SENP7: variants seen among roughly 807,000 people sequenced by gnomAD.
SENP7 encodes SUMO specific peptidase 7.
A neutral mutation model predicts 141.2 loss-of-function variants in SENP7; 64 were observed. The observed-to-expected ratio is 0.45, with a 90% CI of 0.37 to 0.56. SENP7 has a LOEUF of 0.56. Among genes scored for constraint, SENP7 ranks in the 20% least tolerant of loss-of-function variants. The probability of loss-of-function intolerance (pLI) is 0.00; values close to 1 mark genes in which losing one functional copy is unlikely to be tolerated. For synonymous variants in SENP7, 382 were observed against 426.4 expected (o/e 0.90, Z 1.28); for missense variants, 1,025 against 1,212.2 (o/e 0.85, Z 2.29).
intron 1 of SENP7, among the ~76,000 whole-genome samples, chr3:101,507,830 CATG>C (rs1205497362): frequency 6.6e-6 from 1 of 151,908 alleles, no homozygotes; most frequent in Non-Finnish European, 1.5e-5. Context: ...GCAGGTGGAC[CATG>C]ATATCAAGAG....
upstream of SENP7, chr3:101,513,212 GGAAAAAAAA>G (rs2065942003): frequency 8.3e-4 from 113 of 135,974 alleles, 3 homozygotes; most frequent in Middle Eastern, 2.5e-3. Context: ...GGAGGGGAAA[GGAAAAAAAA>G]AAAAAAAAAA....
intron 4 of SENP7, among the ~76,000 whole-genome samples, chr3:101,448,902 A>G (rs538699231): frequency 1.3e-5 from 2 of 152,324 alleles, no homozygotes; most frequent in South Asian, 2.1e-4. Flanking sequence ...TTGAGAGAAG[A>G]AGGCTTCAGA....
chr3:101,507,655 T>TG (rs1169983224), intron 1 of SENP7, among the ~76,000 whole-genome samples: 2 of 120,934 alleles, frequency 1.7e-5, no homozygotes, highest in African/African-American at 2.9e-5. Context: ...TTGTTTCCTT[T>TG]GGGGGGAAGA....
intron 3 of SENP7, among the ~76,000 whole-genome samples, chr3:101,476,845 T>C (rs536760499): frequency 6.6e-6 from 1 of 152,254 alleles, no homozygotes; most frequent in Non-Finnish European, 1.5e-5. Context: ...ATTTCTCTAA[T>C]GACCAGTGAT....
chr3:101,410,141 T>C (rs1239890260), intron 5 of SENP7, among the ~76,000 whole-genome samples: 1 of 152,072 alleles, frequency 6.6e-6, no homozygotes, highest in Non-Finnish European at 1.5e-5. Flanking sequence ...GAATAGACAA[T>C]TCTCAAAGAA....
chr3:101,387,837 C>T (rs2060703234), intron 6 of SENP7, among the ~76,000 whole-genome samples: 1 of 152,230 alleles, frequency 6.6e-6, no homozygotes, highest in Non-Finnish European at 1.5e-5. Flanking sequence ...CCATCACTGC[C>T]AATGAGCACA....
At chr3:101,376,556 T>G (rs931097703) in intron 6 of SENP7, among the ~76,000 whole-genome samples, 1 of 152,016 alleles carries the variant, frequency 6.6e-6, no homozygotes, top group African/African-American at 2.4e-5. Context: ...ACACCGCATG[T>G]TCTCACTCAT....
intron 11 of SENP7, among the ~76,000 whole-genome samples, chr3:101,353,575 A>G (rs541700690): frequency 7.2e-4 from 109 of 152,160 alleles, no homozygotes; most frequent in African/African-American, 2.3e-3. Flanking sequence ...CTGAAATCAT[A>G]CCAACTTTGT....
chr3:101,487,877 T>C (rs2064796544), intron 3 of SENP7, among the ~76,000 whole-genome samples: 1 of 152,200 alleles, frequency 6.6e-6, no homozygotes, highest in Non-Finnish European at 1.5e-5. Flanking sequence ...ATAATATAAT[T>C]TGAAGTCAGG....
intron 11 of SENP7, among the ~76,000 whole-genome samples, chr3:101,361,384 A>G (rs1311976109): frequency 6.6e-6 from 1 of 152,188 alleles, no homozygotes; most frequent in Non-Finnish European, 1.5e-5. Context: ...TTAAACTGGT[A>G]AAACAAGATT....
intron 5 of SENP7, among the ~76,000 whole-genome samples, chr3:101,410,342 G>A (rs1315458003): frequency 6.6e-6 from 1 of 152,066 alleles, no homozygotes; most frequent in Non-Finnish European, 1.5e-5. Flanking sequence ...ATGTAAACTA[G>A]GACAACCACT....
At chr3:101,504,042 T>C (rs1305228271) in intron 1 of SENP7, among the ~76,000 whole-genome samples, 4 of 152,100 alleles carry the variant, frequency 2.6e-5, no homozygotes, top group Admixed American at 1.3e-4. Flanking sequence ...TAATGAAATA[T>C]AGACTACCCA....
At chr3:101,399,997 AT>A (rs1359211842) in intron 5 of SENP7, among the ~76,000 whole-genome samples, 4 of 152,228 alleles carry the variant, frequency 2.6e-5, no homozygotes, top group Non-Finnish European at 4.4e-5. Context: ...TAAGCCTGAT[AT>A]CTTCTTAAAC....
At chr3:101,496,608 C>T (rs1179682412) in intron 2 of SENP7, among the ~76,000 whole-genome samples, 7 of 143,410 alleles carry the variant, frequency 4.9e-5, no homozygotes, top group African/African-American at 1.5e-4. Context: ...GACAGAGTCT[C>T]GTTCTGTTTC....
intron 6 of SENP7, among the ~76,000 whole-genome samples, chr3:101,391,990 C>CA (rs927708346): frequency 4.0e-5 from 6 of 151,866 alleles, no homozygotes; most frequent in East Asian, 1.9e-4. Flanking sequence ...TCAACAGATG[C>CA]AAAAAAAGCA....
At chr3:101,491,898 C>A (rs1186948012) in intron 3 of SENP7, among the ~76,000 whole-genome samples, 1 of 152,108 alleles carries the variant, frequency 6.6e-6, no homozygotes, top group Admixed American at 6.6e-5. Flanking sequence ...TCGAGACCAG[C>A]CTGACCAACA....
intron 9 of SENP7, among the ~76,000 whole-genome samples, chr3:101,365,815 C>T (rs575714321): frequency 6.8e-4 from 103 of 152,214 alleles, no homozygotes; most frequent in Non-Finnish European, 4.4e-4. Flanking sequence ...GTTACCTGTA[C>T]CCTTACCTTC....
At chr3:101,358,005 A>C (rs1576073353) in intron 11 of SENP7, 1 of 622,982 alleles carries the variant, frequency 1.6e-6, no homozygotes, top group East Asian at 5.1e-5. Context: ...ATTGGAGAGA[A>C]ACCATACAAG....
At chr3:101,423,645 G>C (rs995829062) in intron 4 of SENP7, among the ~76,000 whole-genome samples, 25 of 152,138 alleles carry the variant, frequency 1.6e-4, no homozygotes, top group Non-Finnish European at 2.9e-5. Context: ...CAAGACGATG[G>C]GTGCACTCCT....
Sources: gnomAD v4.1 joint callset for allele counts (sites outside exome capture counted in the v4.1 genomes callset) on GRCh38, gnomAD v4.1.1 for gene constraint, MANE v1.5 for transcripts, NCBI Gene and HGNC (gene_info 2026-07-23, HGNC 2026-07-21) for gene names.